Variants in EFCAB6 observed in about 807,000 individuals in gnomAD.
EFCAB6 encodes the protein EF-hand calcium-binding domain-containing protein 6.
EFCAB6 carries 156 observed loss-of-function variants against 169.8 expected under a neutral mutation model. The ratio of observed to expected loss-of-function variants is 0.92; its 90% CI spans 0.81 to 1.05. EFCAB6 has a LOEUF of 1.05. EFCAB6 is among the 50% of genes least tolerant of loss of function. The probability of loss-of-function intolerance (pLI) is 0.00; values close to 1 mark genes in which losing one functional copy is unlikely to be tolerated. For synonymous variants in EFCAB6, 698 were observed against 676.4 expected, an observed-to-expected ratio of 1.03 and a Z score of -0.50; for missense variants, 1,800 against 1,829.1, an observed-to-expected ratio of 0.98 and a Z score of 0.29.
At chr22:43,760,349 T>C (rs549343976) in intron 5 of EFCAB6, among the ~76,000 whole-genome samples, 2 of 152,364 alleles carry the variant, frequency 1.3e-5, no homozygotes, top group South Asian at 2.1e-4. Flanking sequence ...TGTTGAGAGG[T>C]TGGTGTCAGT....
intron 8 of EFCAB6, among the ~76,000 whole-genome samples, chr22:43,727,394 T>C (rs1013037): frequency 0.76 from 115,825 of 152,134 alleles, 44,248 homozygotes; most frequent in East Asian, 0.87. Flanking sequence ...CACCACTGCA[T>C]TCCTGCCTGG....
chr22:43,577,474 C>G (rs771041389), intron 25 of EFCAB6, among the ~76,000 whole-genome samples: 52 of 152,308 alleles, frequency 3.4e-4, no homozygotes, highest in Non-Finnish European at 6.6e-4. Context: ...TAGCTGTGTA[C>G]AGTGGGAAAT....
At chr22:43,679,763 T>C (rs377104895) in intron 12 of EFCAB6, among the ~76,000 whole-genome samples, 2 of 152,274 alleles carry the variant, frequency 1.3e-5, no homozygotes, top group East Asian at 3.9e-4. Context: ...TCATAAAAGA[T>C]TGTATTGGCT....
intron 20 of EFCAB6, among the ~76,000 whole-genome samples, chr22:43,620,853 C>T (rs1011294568): frequency 1.3e-5 from 2 of 152,016 alleles, no homozygotes; most frequent in Non-Finnish European, 2.9e-5. Context: ...ATATAGAAGG[C>T]CTGAACAACA....
intron 17 of EFCAB6, among the ~76,000 whole-genome samples, chr22:43,656,251 G>A (rs191476558): frequency 1.1e-4 from 17 of 152,246 alleles, no homozygotes; most frequent in African/African-American, 4.1e-4. Context: ...TTAGCCAGGT[G>A]TGGTGGTGTA....
intron 10 of EFCAB6, among the ~76,000 whole-genome samples, chr22:43,695,251 G>A (rs2058533174): frequency 6.6e-6 from 1 of 151,838 alleles, no homozygotes; most frequent in Admixed American, 6.6e-5. Context: ...TCCATGTACA[G>A]TTTCATCAAA....
At chr22:43,691,800 A>G (rs1429559312) in intron 10 of EFCAB6, among the ~76,000 whole-genome samples, 1 of 152,200 alleles carries the variant, frequency 6.6e-6, no homozygotes, top group Non-Finnish European at 1.5e-5. Flanking sequence ...CCTCCTCCAG[A>G]TAATCACGAT....
intron 17 of EFCAB6, among the ~76,000 whole-genome samples, chr22:43,653,752 G>C (rs770127495): frequency 6.6e-6 from 1 of 152,056 alleles, no homozygotes; most frequent in Non-Finnish European, 1.5e-5. Flanking sequence ...AGCTTGAGAG[G>C]GAGCGATTTC....
intron 7 of EFCAB6, among the ~76,000 whole-genome samples, chr22:43,732,517 G>C (rs12485123): frequency 1.5e-5 from 2 of 134,706 alleles, no homozygotes; most frequent in Non-Finnish European, 3.0e-5. Context: ...GCCCAGGCTA[G>C]AGTGTGGTGC....
At chr22:43,726,807 C>G (rs1280953644) in intron 8 of EFCAB6, among the ~76,000 whole-genome samples, 1 of 152,178 alleles carries the variant, frequency 6.6e-6, no homozygotes, top group Non-Finnish European at 1.5e-5. Flanking sequence ...AATAATGAAA[C>G]AAAGATGTCC....
chr22:43,608,740 T>C, intron 21 of EFCAB6, 140 bp from the exon 22 acceptor site: 1 of 748,602 alleles, frequency 1.3e-6, no homozygotes, highest in Non-Finnish European at 2.2e-6. Flanking sequence ...TTAATCTACG[T>C]TCCAGGTATC....
At chr22:43,658,015 G>C (rs1046003231) in intron 17 of EFCAB6, among the ~76,000 whole-genome samples, 2 of 152,024 alleles carry the variant, frequency 1.3e-5, no homozygotes, top group East Asian at 3.9e-4. Flanking sequence ...GATCACCTGA[G>C]GTCAGCAGTT....
At chr22:43,783,068 C>T (rs558113100) in intron 2 of EFCAB6, among the ~76,000 whole-genome samples, 2 of 152,226 alleles carry the variant, frequency 1.3e-5, no homozygotes, top group Admixed American at 1.3e-4. Flanking sequence ...AGCCTCCTTA[C>T]CCGGAACTTA....
intron 18 of EFCAB6, among the ~76,000 whole-genome samples, chr22:43,634,610 C>T (rs2055238387): frequency 6.6e-6 from 1 of 150,740 alleles, no homozygotes; most frequent in South Asian, 2.1e-4. Flanking sequence ...AAAGCAGCAT[C>T]ACTGAGTGGA....
intron 22 of EFCAB6, among the ~76,000 whole-genome samples, chr22:43,601,029 A>G (rs2052482129): frequency 6.6e-6 from 1 of 152,236 alleles, no homozygotes; most frequent in African/African-American, 2.4e-5. Context: ...TTAGAAAAAA[A>G]TTCTTCAAAA....
chr22:43,643,583 T>C (rs895104029), intron 17 of EFCAB6, among the ~76,000 whole-genome samples: 3 of 152,234 alleles, frequency 2.0e-5, no homozygotes, highest in Non-Finnish European at 2.9e-5. Flanking sequence ...AGGCTCTGGC[T>C]GTACAAACAG....
chr22:43,720,015 A>C (rs1232102344), intron 8 of EFCAB6, among the ~76,000 whole-genome samples: 1 of 152,230 alleles, frequency 6.6e-6, no homozygotes, highest in East Asian at 1.9e-4. Flanking sequence ...AAGTGTTCTC[A>C]CCACACACAA....
intron 5 of EFCAB6, among the ~76,000 whole-genome samples, chr22:43,760,293 G>C (rs944922139): frequency 6.6e-6 from 1 of 151,760 alleles, no homozygotes; most frequent in Middle Eastern, 3.4e-3. Context: ...TTTTATGTCA[G>C]CACACTGAAA....
chr22:43,687,448 T>C, intron 11 of EFCAB6, 23 bp downstream of exon 11: 2 of 388,940 alleles, frequency 5.1e-6, no homozygotes, highest in Non-Finnish European at 6.6e-6. Context: ...CTAAAATTTG[T>C]TTTTTTTTTT....
Sources: allele counts gnomAD v4.1 joint callset (sites outside exome capture counted in the v4.1 genomes callset), GRCh38; gene constraint gnomAD v4.1.1; transcripts MANE v1.5; gene names NCBI Gene and HGNC (gene_info 2026-07-23, HGNC 2026-07-21).